The following PSMD5 variants were observed in gnomAD, a reference collection of about 807,000 sequenced individuals.
The protein encoded by PSMD5 is 26S proteasome non-ATPase regulatory subunit 5.
Under a neutral mutation model 52.1 loss-of-function variants are expected in PSMD5, and 40 were observed. That is an observed-to-expected ratio of 0.77 (90% CI 0.60 to 1.00). The LOEUF (loss-of-function observed/expected upper bound fraction) is 1.00, where lower values mean the gene tolerates loss of function less well. Ranked by LOEUF, PSMD5 falls within the 50% of genes least tolerant of loss-of-function variation. The pLI is 0.00. For synonymous variants in PSMD5, 211 were observed against 226.6 expected (o/e 0.93, Z 0.62); for missense variants, 575 against 605.2 (o/e 0.95, Z 0.52).
chr9:120,826,910 A>C lies in PSMD5; in HGVS notation c.672-3T>G, dbSNP rs1201490918. On this transcript the variant is annotated splice_region_variant and splice_polypyrimidine_tract_variant and intron_variant, in intron 5 of 9. Coordinates refer to ENST00000210313, the MANE Select transcript of PSMD5 (RefSeq NM_005047.4). ...TCACCATTTCTATACAGGTGGCTCT[A>C]AAATGTCAGAAGGACAAAAACAAGG... 6.2e-7 allele frequency: 1 copy of C among 1,607,116 alleles called. No homozygotes were observed.
At chr9:120,820,275 C>T (rs2045074238) in intron 9 of PSMD5, among the ~76,000 whole-genome samples, 1 of 152,164 alleles carries the variant, frequency 6.6e-6, no homozygotes, top group Admixed American at 6.5e-5. Context: ...GTATGCCCTT[C>T]ACTGAGCAAA....
chr9:120,826,879 G>A lies in PSMD5; in HGVS notation c.700C>T (p.Leu234=), dbSNP rs114200337. Residue 234 remains leucine (L), a synonymous_variant, in exon 6 of 10, where the codon CTG becomes TTG. Transcript: ENST00000210313. ...TGTCGCCCATGATGAGTATATGCCA[G>A]TGATGTCACCATTTCTATACAGGTG... ...RATCIEMVTS[L]AYTHHGRQYL... 1,698 of 1,611,624 alleles carry A rather than the reference G, an allele frequency of 1.1e-3. 19 individuals carry two copies. The African/African-American group carries it at 0.019, about 18-fold the overall frequency.
chr9:120,837,739 T>C (rs960947168), intron 1 of PSMD5, among the ~76,000 whole-genome samples: 2 of 152,274 alleles, frequency 1.3e-5, no homozygotes, highest in East Asian at 3.8e-4. Context: ...TCTAGCCATT[T>C]CATTCCTAGC....
At chr9:120,824,740 C>A (rs181804260) in intron 6 of PSMD5, 55 bp from the exon 7 acceptor site, 62 of 1,440,492 alleles carry the variant, frequency 4.3e-5, no homozygotes, top group Non-Finnish European at 4.2e-5. Context: ...GCATGAATTG[C>A]GGGCTCTATG....
chr9:120,822,453 T>A (rs1469065426), intron 7 of PSMD5, among the ~76,000 whole-genome samples: 1 of 152,240 alleles, frequency 6.6e-6, no homozygotes, highest in African/African-American at 2.4e-5. Context: ...GTAAAACGAT[T>A]GTCATAGGTA....
At chr9:120,842,598 A>C in intron 1 of PSMD5, 139 bp downstream of exon 1, 328 of 949,220 alleles carry the variant, frequency 3.5e-4, no homozygotes, top group Non-Finnish European at 4.7e-4. Flanking sequence ...TGAACCCAGG[A>C]TCCTTCCTTC....
At chr9:120,819,135 C>T (rs2045065586) in intron 9 of PSMD5, among the ~76,000 whole-genome samples, 1 of 152,176 alleles carries the variant, frequency 6.6e-6, no homozygotes, top group Non-Finnish European at 1.5e-5. Context: ...TTTTTCAAAA[C>T]CTATTACGTT....
chr9:120,827,801 A>C (rs2045132879), intron 5 of PSMD5, among the ~76,000 whole-genome samples: 1 of 152,256 alleles, frequency 6.6e-6, no homozygotes, highest in African/African-American at 2.4e-5. Context: ...ATAACAGCAA[A>C]ATACTTGAAG....
At chr9:120,820,207 C>G (rs576976922) in intron 9 of PSMD5, among the ~76,000 whole-genome samples, 1 of 152,182 alleles carries the variant, frequency 6.6e-6, no homozygotes, top group East Asian at 1.9e-4. Flanking sequence ...CTGCCTGGCT[C>G]CTTCAATAGA....
intron 1 of PSMD5, among the ~76,000 whole-genome samples, chr9:120,841,438 G>T (rs1465306149): frequency 1.3e-5 from 2 of 152,060 alleles, no homozygotes; most frequent in Admixed American, 6.5e-5. Context: ...AATTAGCCGG[G>T]CGTGGTGGCG....
intron 5 of PSMD5, among the ~76,000 whole-genome samples, chr9:120,827,401 CAT>C (rs967040586): frequency 2.0e-5 from 3 of 152,292 alleles, no homozygotes; most frequent in Admixed American, 6.5e-5. Flanking sequence ...CTACAAAACA[CAT>C]ATGTTTCCTT....
At chr9:120,840,166 C>T (rs1372019197) in intron 1 of PSMD5, among the ~76,000 whole-genome samples, 21 of 150,828 alleles carry the variant, frequency 1.4e-4, no homozygotes, top group Admixed American at 1.4e-3. Flanking sequence ...ACTCTGTCAC[C>T]CAGGCTGGAG....
chr9:120,833,766 C>A (rs369196010), intron 1 of PSMD5, among the ~76,000 whole-genome samples: 2 of 149,240 alleles, frequency 1.3e-5, no homozygotes, highest in Non-Finnish European at 1.5e-5. Context: ...GCAACCTCCA[C>A]CTCCCAGGTT....
At position 120,823,567 on chromosome 9, in the gene PSMD5, A is replaced by G. The variant is rs1179268561; in HGVS notation, c.1006+927T>C. The stretch of plus-strand genomic sequence containing the variant: ...CACTCTGTCACCCAGGCTGGAGTGT[A>G]GTGGCATGATCTCAGCTCACTGCAA... On this transcript the variant is annotated intron_variant, in intron 7 of 9. Coordinates refer to ENST00000210313, the MANE Select transcript of PSMD5 (RefSeq NM_005047.4). Among the ~76,000 whole-genome samples the G allele has an allele frequency of 2.9e-5, 4 of 139,336 alleles. No homozygotes were observed. The Admixed American group carries it at 3.1e-4, about 11-fold the overall frequency. 91.4% of individuals were successfully genotyped at this position (139,336 alleles called of 152,430 possible).
chr9:120,833,909 C>T (rs1169643519), intron 1 of PSMD5, among the ~76,000 whole-genome samples: 2 of 150,550 alleles, frequency 1.3e-5, no homozygotes, highest in Non-Finnish European at 2.9e-5. Context: ...CTCCTGACCT[C>T]AGGTGATCCA....
At chr9:120,829,229 C>G in intron 4 of PSMD5, 21 bp from the exon 5 acceptor site, 1 of 1,553,932 alleles carries the variant, frequency 6.4e-7, no homozygotes, top group Non-Finnish European at 8.7e-7. Context: ...AAAAAAAACA[C>G]AGAAAAAAGA....
chr9:120,841,471 C>T (rs1204741242), intron 1 of PSMD5, among the ~76,000 whole-genome samples: 2 of 151,996 alleles, frequency 1.3e-5, no homozygotes, highest in Non-Finnish European at 2.9e-5. Context: ...CCCAGGTACT[C>T]GGCAGGCTGA....
chr9:120,818,223 T>C, intron 9 of PSMD5, 60 bp from the exon 10 acceptor site: 1 of 1,489,154 alleles, frequency 6.7e-7, no homozygotes, highest in Non-Finnish European at 9.0e-7. Flanking sequence ...GTTAATGGGA[T>C]GGCACAATAT....
chr9:120,823,510 CT>C (rs1263218977), intron 7 of PSMD5, among the ~76,000 whole-genome samples: 1,460 of 108,650 alleles, frequency 0.013, 7 homozygotes, highest in African/African-American at 0.032. Context: ...TACCTGGCCT[CT>C]TTTTTTTTTT....
Sources: allele counts gnomAD v4.1 joint callset (sites outside exome capture counted in the v4.1 genomes callset), GRCh38; gene constraint gnomAD v4.1.1; transcripts MANE v1.5; gene names NCBI Gene and HGNC (gene_info 2026-07-23, HGNC 2026-07-21).